The following RPTOR variants were observed in gnomAD, a reference collection of about 807,000 sequenced individuals.
RPTOR encodes the protein regulatory-associated protein of mTOR.
Under a neutral mutation model 169.9 loss-of-function variants are expected in RPTOR, and 21 were observed. That is an observed-to-expected ratio of 0.12 (90% CI 0.09 to 0.18). The LOEUF is 0.18. RPTOR is among the 10% of genes least tolerant of loss of function. RPTOR has a pLI of 1.00. For synonymous variants in RPTOR, 732 were observed against 753.2 expected, an observed-to-expected ratio of 0.97 and a Z score of 0.46; for missense variants, 1,133 against 1,855.9, an observed-to-expected ratio of 0.61 and a Z score of 7.16.
intron 24 of RPTOR, among the ~76,000 whole-genome samples, chr17:80,932,146 C>CATATATATATAT (rs57950527): frequency 0.028 from 4,098 of 145,802 alleles, 85 homozygotes; most frequent in Non-Finnish European, 0.042. Context: ...TCCAGGCATG[C>CATATATATATAT]ATATATATAT....
chr17:80,832,040 G>A (rs887518829), intron 9 of RPTOR, among the ~76,000 whole-genome samples: 1 of 152,244 alleles, frequency 6.6e-6, no homozygotes, highest in Non-Finnish European at 1.5e-5. Flanking sequence ...GTTGGTGCCT[G>A]GCTATAAGGG....
At chr17:80,902,155 C>T (rs2068484232) in intron 20 of RPTOR, among the ~76,000 whole-genome samples, 2 of 152,218 alleles carry the variant, frequency 1.3e-5, no homozygotes, top group Admixed American at 1.3e-4. Context: ...CCCATCCCAC[C>T]AGGCCTCGTT....
chr17:80,638,323 TGCTCTGTGCACACA>T (rs1296758565), intron 2 of RPTOR, among the ~76,000 whole-genome samples: 1 of 152,156 alleles, frequency 6.6e-6, no homozygotes, highest in Non-Finnish European at 1.5e-5. Flanking sequence ...CACAGCCGTA[TGCTCTGTGCACACA>T]GCTCTGTGCC....
intron 8 of RPTOR, 80 bp from the exon 9 acceptor site, chr17:80,822,999 A>G: frequency 6.7e-7 from 1 of 1,493,852 alleles, no homozygotes; most frequent in Middle Eastern, 1.8e-4. Context: ...AATTTTTGAT[A>G]GAAGTGAATT....
chr17:80,945,788 A>G lies in RPTOR; in HGVS notation c.3140+7A>G, dbSNP rs115433836. On this transcript the variant is annotated splice_region_variant and intron_variant, in intron 26 of 33. Transcript: ENST00000306801. Reference sequence around the variant, plus strand: ...CCGACAAGGACAGCATCTGGTATGCACCGCGCTGGTCAGGCCTCCCTTCCG... The same window carrying G: ...CCGACAAGGACAGCATCTGGTATGCGCCGCGCTGGTCAGGCCTCCCTTCCG... 4.1e-4 allele frequency: 643 copies of G among 1,571,632 alleles called. 2 individuals carry two copies. In the African/African-American group the frequency reaches 8.2e-3, roughly 20 times the overall value.
At chr17:80,560,131 A>G (rs12452321) in intron 1 of RPTOR, among the ~76,000 whole-genome samples, 25,021 of 152,178 alleles carry the variant, frequency 0.16, 2,352 homozygotes, top group East Asian at 0.28. Context: ...TGCAGTCATG[A>G]TCTGCCCTTG....
chr17:80,916,385 C>T (rs532204597), intron 21 of RPTOR, among the ~76,000 whole-genome samples: 62 of 152,340 alleles, frequency 4.1e-4, no homozygotes, highest in Non-Finnish European at 7.6e-4. Context: ...GGAGCAGGCA[C>T]CCATGCCAGT....
intron 2 of RPTOR, among the ~76,000 whole-genome samples, chr17:80,631,313 G>A (rs148289093): frequency 9.2e-5 from 14 of 152,238 alleles, no homozygotes; most frequent in African/African-American, 3.1e-4. Context: ...ACTCTGTGCT[G>A]CCTCCAGCAG....
chr17:80,888,709 G>A (rs898421971), intron 17 of RPTOR, among the ~76,000 whole-genome samples: 1 of 152,244 alleles, frequency 6.6e-6, no homozygotes, highest in Non-Finnish European at 1.5e-5. Flanking sequence ...AGGGAGGGCT[G>A]CACCCACCCA....
chr17:80,925,919 C>T (rs769979831), intron 24 of RPTOR, among the ~76,000 whole-genome samples: 2 of 152,246 alleles, frequency 1.3e-5, no homozygotes, highest in African/African-American at 2.4e-5. Context: ...TAACAAGCGC[C>T]GTGTGCTGTG....
At chr17:80,773,893 G>C in intron 6 of RPTOR, 1 of 985,410 alleles carries the variant, frequency 1.0e-6, no homozygotes, top group Admixed American at 6.1e-5. Context: ...GACCGCTTCT[G>C]ATTCCCTCCA....
At chr17:80,620,578 A>G (rs1454007537) in intron 1 of RPTOR, among the ~76,000 whole-genome samples, 1 of 152,236 alleles carries the variant, frequency 6.6e-6, no homozygotes, top group Non-Finnish European at 1.5e-5. Flanking sequence ...CAGCCTGGCC[A>G]ACATGGCGAA....
At chr17:80,907,045 C>T (rs886247478) in intron 20 of RPTOR, among the ~76,000 whole-genome samples, 2 of 152,196 alleles carry the variant, frequency 1.3e-5, no homozygotes, top group African/African-American at 4.8e-5. Flanking sequence ...GCAGAACCCA[C>T]GCACACATTG....
In RPTOR at chr17:80,597,111, G is replaced by A. The variant is rs564310303; in HGVS notation, c.163-28580G>A. The stretch of plus-strand genomic sequence containing the variant: ...GGACTAGCACACCTAAAACAGGGAC[G>A]CACAGAAAGGGAAGGCAGCTGTGAT... On this transcript the variant is annotated intron_variant, in intron 1 of 33. Transcript: ENST00000306801. 1.2e-4 allele frequency among the ~76,000 whole-genome samples: 19 copies of A among 152,280 alleles called. No individual in the cohort carries two copies. In the South Asian group the frequency reaches 3.7e-3, roughly 30 times the overall value.
At chr17:80,583,740 G>A (rs558844546) in intron 1 of RPTOR, among the ~76,000 whole-genome samples, 1 of 152,350 alleles carries the variant, frequency 6.6e-6, no homozygotes, top group South Asian at 2.1e-4. Context: ...GAAAGCTATT[G>A]TAGAGTAGAA....
chr17:80,835,230 G>A (rs1463643199), intron 9 of RPTOR, among the ~76,000 whole-genome samples: 2 of 152,130 alleles, frequency 1.3e-5, no homozygotes, highest in African/African-American at 4.8e-5. Context: ...TTGCTCTTTA[G>A]TCCCTTTGTT....
rs573848247 is a variant in RPTOR, at chr17:80,923,879, G to A, written c.2808+206G>A. Reference sequence around the variant, plus strand: ...GCACCCCTCTGCCTGCACTCCTTAGGAGCACTGCTGGGTGTGTCCCGGTCC... The same window carrying A: ...GCACCCCTCTGCCTGCACTCCTTAGAAGCACTGCTGGGTGTGTCCCGGTCC... On this transcript the variant is annotated intron_variant, in intron 23 of 33. Coordinates refer to ENST00000306801, the MANE Select transcript of RPTOR (RefSeq NM_020761.3). The A allele has an allele frequency of 1.5e-4, 88 of 582,894 alleles. 1 individual carries two copies. The South Asian group carries it at 1.7e-3, about 11-fold the overall frequency. 36.1% of individuals were successfully genotyped at this position (582,894 alleles called of 1,614,324 possible).
At chr17:80,945,331 G>T (rs17848711) in intron 25 of RPTOR, among the ~76,000 whole-genome samples, 2 of 151,930 alleles carry the variant, frequency 1.3e-5, no homozygotes, top group East Asian at 3.9e-4. Flanking sequence ...GGTGGCTCAC[G>T]CCTGTAATCC....
intron 5 of RPTOR, among the ~76,000 whole-genome samples, chr17:80,751,144 C>G (rs1458547456): frequency 6.6e-6 from 1 of 152,174 alleles, no homozygotes; most frequent in African/African-American, 2.4e-5. Context: ...TGTACCATCA[C>G]CGTGGTGCGA....
Sources: allele counts gnomAD v4.1 joint callset (sites outside exome capture counted in the v4.1 genomes callset), GRCh38; gene constraint gnomAD v4.1.1; transcripts MANE v1.5; gene names NCBI Gene and HGNC (gene_info 2026-07-23, HGNC 2026-07-21).